The following PEX5L variants were observed in gnomAD, a reference collection of about 807,000 sequenced individuals.
The protein encoded by PEX5L is PEX5-related protein.
PEX5L carries 30 observed loss-of-function variants against 84.0 expected under a neutral mutation model. The observed-to-expected ratio is 0.36, with a 90% CI of 0.27 to 0.48. The LOEUF is 0.48. Among genes scored for constraint, PEX5L ranks in the 20% least tolerant of loss-of-function variants. PEX5L has a pLI of 0.99. For synonymous variants in PEX5L, 270 were observed against 283.1 expected, an observed-to-expected ratio of 0.95 and a Z score of 0.46; for missense variants, 533 against 754.6, an observed-to-expected ratio of 0.71 and a Z score of 3.44.
At chr3:180,027,101 T>C (rs1791028511) in intron 1 of PEX5L, among the ~76,000 whole-genome samples, 1 of 144,552 alleles carries the variant, frequency 6.9e-6, no homozygotes, top group East Asian at 1.9e-4. Flanking sequence ...AGCTGTAACA[T>C]GGGGTTTCTG....
At chr3:179,804,964 C>A (rs1720644523) in intron 14 of PEX5L, among the ~76,000 whole-genome samples, 1 of 151,896 alleles carries the variant, frequency 6.6e-6, no homozygotes, top group Non-Finnish European at 1.5e-5. Context: ...ACTAAAAATA[C>A]AAAAATTAGC....
chr3:179,845,999 G>A (rs1275994944), intron 8 of PEX5L, among the ~76,000 whole-genome samples: 3 of 152,058 alleles, frequency 2.0e-5, no homozygotes, highest in Non-Finnish European at 2.9e-5. Context: ...GTAAAATGCC[G>A]TTTCTACTAA....
At chr3:180,032,625 G>A (rs960627879) in intron 1 of PEX5L, among the ~76,000 whole-genome samples, 5 of 152,160 alleles carry the variant, frequency 3.3e-5, no homozygotes, top group Non-Finnish European at 7.3e-5. Flanking sequence ...AGGCAAAGGC[G>A]CGTGGATCGC....
At chr3:180,009,463 A>G (rs770637889) in intron 1 of PEX5L, among the ~76,000 whole-genome samples, 7 of 152,278 alleles carry the variant, frequency 4.6e-5, no homozygotes, top group Non-Finnish European at 1.0e-4. Context: ...AAGCAATAAA[A>G]CAAGCAAACA....
intron 1 of PEX5L, among the ~76,000 whole-genome samples, chr3:179,978,944 T>A (rs1292678892): frequency 2.0e-5 from 3 of 152,240 alleles, no homozygotes; most frequent in Admixed American, 6.5e-5. Context: ...CTCAAGTTTA[T>A]GTCCTTTGAT....
chr3:179,823,326 A>G (rs569050384), intron 8 of PEX5L, among the ~76,000 whole-genome samples: 2 of 152,302 alleles, frequency 1.3e-5, no homozygotes, highest in East Asian at 3.9e-4. Context: ...ACTGTTACGC[A>G]GCAATTAAAA....
At chr3:180,028,917 C>T (rs1014611858) in intron 1 of PEX5L, among the ~76,000 whole-genome samples, 8 of 152,122 alleles carry the variant, frequency 5.3e-5, no homozygotes, top group Non-Finnish European at 7.4e-5. Flanking sequence ...AGAATAGAAA[C>T]ATCAGAACAC....
chr3:179,895,916 T>C (rs141091922), intron 3 of PEX5L, among the ~76,000 whole-genome samples: 1 of 152,294 alleles, frequency 6.6e-6, no homozygotes, highest in African/African-American at 2.4e-5. Flanking sequence ...GGCATTGACA[T>C]ACCAGTGATG....
chr3:180,010,759 T>C (rs1789396712), intron 1 of PEX5L, among the ~76,000 whole-genome samples: 1 of 152,080 alleles, frequency 6.6e-6, no homozygotes, highest in African/African-American at 2.4e-5. Context: ...ACTTCAATAA[T>C]GGCCTCTCTT....
At chr3:179,822,290 T>C (rs1467980124) in intron 8 of PEX5L, among the ~76,000 whole-genome samples, 2 of 152,208 alleles carry the variant, frequency 1.3e-5, no homozygotes, top group African/African-American at 4.8e-5. Context: ...AAGAGAAGGA[T>C]TTGATAATGT....
At chr3:179,828,239 G>C (rs1731279592) in intron 8 of PEX5L, among the ~76,000 whole-genome samples, 1 of 152,030 alleles carries the variant, frequency 6.6e-6, no homozygotes, top group Non-Finnish European at 1.5e-5. Context: ...TCCTCCCCCT[G>C]GCACCCACTG....
At chr3:179,810,007 T>TTA (rs1723137118) in intron 11 of PEX5L, among the ~76,000 whole-genome samples, 4 of 77,502 alleles carry the variant, frequency 5.2e-5, no homozygotes, top group Non-Finnish European at 7.6e-5. Flanking sequence ...TGCTGCTTTT[T>TTA]TTTTTTTTTT....
chr3:180,036,019 C>T (rs796188603), intron 1 of PEX5L, among the ~76,000 whole-genome samples: 3 of 152,262 alleles, frequency 2.0e-5, no homozygotes, highest in Non-Finnish European at 2.9e-5. Flanking sequence ...GCTCCTTGGA[C>T]ATGTGTTTGA....
At chr3:179,990,541 A>C (rs182063125) in intron 1 of PEX5L, among the ~76,000 whole-genome samples, 60 of 152,204 alleles carry the variant, frequency 3.9e-4, no homozygotes, top group Non-Finnish European at 5.6e-4. Context: ...TGAGACTACA[A>C]GTGCACAGCA....
chr3:179,814,098 G>C (rs1277207522), intron 10 of PEX5L, among the ~76,000 whole-genome samples: 1 of 151,980 alleles, frequency 6.6e-6, no homozygotes, highest in Non-Finnish European at 1.5e-5. Context: ...TGAGATTACA[G>C]GCATGAGGCA....
intron 7 of PEX5L, among the ~76,000 whole-genome samples, chr3:179,867,025 CAAAAAAAAAAAAAAAAGAAA>C (rs1485824165): frequency 1.1e-5 from 1 of 89,414 alleles, no homozygotes; most frequent in African/African-American, 4.3e-5. Context: ...GACTCTGTCT[CAAAAAAAAAAAAAAAAGAAA>C]AAAAAAAAAG....
At chr3:179,955,221 A>T (rs542954718) in intron 2 of PEX5L, among the ~76,000 whole-genome samples, 1 of 152,320 alleles carries the variant, frequency 6.6e-6, no homozygotes, top group African/African-American at 2.4e-5. Flanking sequence ...AGGAAGAATA[A>T]TAAGAACTAA....
chr3:179,951,080 A>G (rs147084146), intron 2 of PEX5L, among the ~76,000 whole-genome samples: 2 of 152,340 alleles, frequency 1.3e-5, no homozygotes, highest in Admixed American at 6.5e-5. Flanking sequence ...GAGACTTTGC[A>G]TATTCCATAA....
chr3:179,947,957 C>T (rs534608191), intron 2 of PEX5L, among the ~76,000 whole-genome samples: 32 of 152,160 alleles, frequency 2.1e-4, no homozygotes, highest in African/African-American at 7.5e-4. Flanking sequence ...CTGCCTGCCT[C>T]GGCCTCCCAA....
Sources: gnomAD v4.1 joint callset for allele counts (sites outside exome capture counted in the v4.1 genomes callset) on GRCh38, gnomAD v4.1.1 for gene constraint, MANE v1.5 for transcripts, NCBI Gene and HGNC (gene_info 2026-07-23, HGNC 2026-07-21) for gene names.